The following EEIG1 variants were observed in gnomAD, a reference collection of about 807,000 sequenced individuals.
EEIG1 encodes early estrogen-induced gene 1 protein.
the EEIG1 span, chr9:127,953,406 T>C: frequency 1.6e-6 from 1 of 644,738 alleles, no homozygotes; most frequent in Non-Finnish European, 2.8e-6. Context: ...ATGCTGCCTT[T>C]ATATTGAGTG....
At chr9:127,978,697 C>T in the EEIG1 span, among the ~76,000 whole-genome samples, 2 of 152,030 alleles carry the variant, frequency 1.3e-5, no homozygotes, top group Non-Finnish European at 2.9e-5. Context: ...AAAAAATTAT[C>T]GTGGTAGCGT....
chr9:127,978,710 G>C, the EEIG1 span, among the ~76,000 whole-genome samples: 19 of 152,188 alleles, frequency 1.2e-4, no homozygotes, highest in Admixed American at 9.8e-4. Context: ...GGTAGCGTGC[G>C]CCTGTAATCT....
chr9:127,963,243 C>T, the EEIG1 span, among the ~76,000 whole-genome samples: 1 of 152,350 alleles, frequency 6.6e-6, no homozygotes, highest in East Asian at 1.9e-4. Context: ...CAAAAGGGAT[C>T]TGAACCCTCA....
At chr9:127,973,482 G>C in the EEIG1 span, among the ~76,000 whole-genome samples, 1 of 152,222 alleles carries the variant, frequency 6.6e-6, no homozygotes, top group Non-Finnish European at 1.5e-5. This position sits in a 1 kb window ranked among gnomAD's most constrained non-coding sequence, Gnocchi z 4.2. Context: ...GCTCCACGAA[G>C]CCAGATCATC....
chr9:127,954,715 G>A, the EEIG1 span, among the ~76,000 whole-genome samples: 8 of 152,206 alleles, frequency 5.3e-5, no homozygotes, highest in African/African-American at 1.9e-4. Context: ...CCACAGGTAA[G>A]AGCAGAATGG....
At chr9:127,954,267 C>A in the EEIG1 span, among the ~76,000 whole-genome samples, 2 of 152,200 alleles carry the variant, frequency 1.3e-5, no homozygotes, top group Admixed American at 1.3e-4. Context: ...CAGTTCCCTG[C>A]ACTGCCATTA....
the EEIG1 span, among the ~76,000 whole-genome samples, chr9:127,975,075 C>T: frequency 6.6e-6 from 1 of 152,252 alleles, no homozygotes; most frequent in African/African-American, 2.4e-5. Flanking sequence ...CAGCATTCCA[C>T]AGCCTTTTCC....
chr9:127,975,431 A>G, the EEIG1 span, among the ~76,000 whole-genome samples: 1 of 152,182 alleles, frequency 6.6e-6, no homozygotes. Context: ...TTTCTTGGAC[A>G]GTCTGGCACC....
At chr9:127,950,860 G>A in the EEIG1 span, 2 of 342,268 alleles carry the variant, frequency 5.8e-6, no homozygotes, top group African/African-American at 4.4e-5. Context: ...ATTGTTCCCT[G>A]GGAAACAAGG....
the EEIG1 span, among the ~76,000 whole-genome samples, chr9:127,956,961 T>A: frequency 2.0e-5 from 3 of 152,102 alleles, no homozygotes; most frequent in African/African-American, 7.2e-5. Flanking sequence ...GTGATCCATC[T>A]GCCATGGCAT....
the EEIG1 span, among the ~76,000 whole-genome samples, chr9:127,978,698 G>A: frequency 3.3e-5 from 5 of 152,102 alleles, no homozygotes; most frequent in Admixed American, 6.5e-5. Flanking sequence ...AAAAATTATC[G>A]TGGTAGCGTG....
At chr9:127,950,051 G>A in the EEIG1 span, among the ~76,000 whole-genome samples, 1 of 152,220 alleles carries the variant, frequency 6.6e-6, no homozygotes, top group African/African-American at 2.4e-5. Flanking sequence ...CTTAACGTCT[G>A]TGCCTTAACT....
chr9:127,953,963 C>T, the EEIG1 span: 2 of 1,610,932 alleles, frequency 1.2e-6, no homozygotes, highest in Non-Finnish European at 1.7e-6. Context: ...CAGGCACACA[C>T]ATCCGCGCCA....
chr9:127,953,705 G>A, the EEIG1 span: 35 of 1,607,450 alleles, frequency 2.2e-5, no homozygotes, highest in South Asian at 9.9e-5. Context: ...GGAGGGCAAC[G>A]GGCAGAGCAA....
chr9:127,942,948 G>T, the EEIG1 span: 1 of 551,714 alleles, frequency 1.8e-6, no homozygotes, highest in South Asian at 2.1e-5. Context: ...TGCCTGGCCT[G>T]CCCTCTAGTG....
chr9:127,941,048 G>A, the EEIG1 span: 7 of 152,208 alleles, frequency 4.6e-5, no homozygotes, highest in African/African-American at 1.7e-4. Context: ...GTGGGCACCT[G>A]GTGGGAATTC....
the EEIG1 span, among the ~76,000 whole-genome samples, chr9:127,968,539 T>C: frequency 6.6e-6 from 1 of 152,182 alleles, no homozygotes; most frequent in Non-Finnish European, 1.5e-5. Context: ...GCGCCCTTCA[T>C]ACCCCTGCTC....
At chr9:127,953,443 A>T in the EEIG1 span, 4 of 754,794 alleles carry the variant, frequency 5.3e-6, no homozygotes, top group Admixed American at 2.3e-5. Flanking sequence ...AGATATTTCT[A>T]AAAAATAACA....
chr9:127,967,768 G>T, the EEIG1 span, among the ~76,000 whole-genome samples: 2 of 152,174 alleles, frequency 1.3e-5, no homozygotes, highest in Non-Finnish European at 2.9e-5. Flanking sequence ...CTCAGTCGCA[G>T]TTCTGTCCCT....
Sources: gnomAD v4.1 joint callset for allele counts (sites outside exome capture counted in the v4.1 genomes callset) on GRCh38, gnomAD v4.1.1 for gene constraint, Gnocchi (gnomAD v3.1) non-coding constraint, MANE v1.5 for transcripts, NCBI Gene and HGNC (gene_info 2026-07-23, HGNC 2026-07-21) for gene names.